FOXN2: variants seen among roughly 807,000 people sequenced by gnomAD.
FOXN2 encodes the protein forkhead box N2, also known as forkhead box protein N2.
A neutral mutation model predicts 41.2 loss-of-function variants in FOXN2; 19 were observed. The ratio of observed to expected loss-of-function variants is 0.46; its 90% CI spans 0.32 to 0.68. The LOEUF is 0.68. Ranked by LOEUF, FOXN2 falls within the 30% of genes least tolerant of loss-of-function variation. The pLI is 0.03. For missense variants in FOXN2, 587 were observed against 509.4 expected (o/e 1.15, Z -1.47); for synonymous variants, 195 against 176.8 (o/e 1.10, Z -0.82).
intron 2 of FOXN2, among the ~76,000 whole-genome samples, chr2:48,338,302 T>C (rs1427268279): frequency 6.6e-6 from 1 of 152,116 alleles, no homozygotes; most frequent in African/African-American, 2.4e-5. Flanking sequence ...AACTGAGAAA[T>C]GGCCCAGATA....
Position 48,325,700 on chromosome 2 carries a change from T to C in FOXN2, c.-156-2861T>C, listed in dbSNP as rs561707521. Among the ~76,000 whole-genome samples, 47 of 152,318 alleles carry C rather than the reference T, an allele frequency of 3.1e-4. 1 individual carries two copies. The highest frequency in any genetic ancestry group is 1.0e-3 in the African/African-American group (42 of 41,578). On this transcript the variant is annotated intron_variant, in intron 1 of 6. Transcript: ENST00000340553. ...AAACAGACAACTAGCTCTGCCCTTA[T>C]GAAGCTTTCAGTTAGTCAGGAAAGA...
chr2:48,358,997 G>T (rs1265358672), intron 3 of FOXN2, 50 bp from the exon 4 acceptor site: 2 of 1,355,990 alleles, frequency 1.5e-6, no homozygotes, highest in South Asian at 1.2e-5. Flanking sequence ...TTTAGACGCT[G>T]ACTGTTTATG....
intron 3 of FOXN2, among the ~76,000 whole-genome samples, chr2:48,347,160 C>T (rs1389679598): frequency 6.6e-6 from 1 of 150,896 alleles, no homozygotes; most frequent in African/African-American, 2.4e-5. Flanking sequence ...TTTTCTTTTC[C>T]ACTTTTCCTG....
Position 48,378,578 on chromosome 2 carries a change from A to G in FOXN2, c.*3135A>G, listed in dbSNP as rs2104561392. 6.6e-6 allele frequency: 1 copy of G among 152,480 alleles called. No individual in the cohort carries two copies. The highest frequency in any genetic ancestry group is 6.6e-5 in the Admixed American group (1 of 15,254). 9.4% of individuals were successfully genotyped at this position (152,480 alleles called of 1,614,324 possible). On this transcript the variant is annotated 3_prime_UTR_variant, in exon 7 of 7. Coordinates refer to ENST00000340553, the MANE Select transcript of FOXN2 (RefSeq NM_002158.4). ...AATACTTCACAAAGCTGTAAAGACC[A>G]TTGTCTTAAATACTACAACAACTTA...
At chr2:48,345,519 A>T (rs537961530) in intron 2 of FOXN2, among the ~76,000 whole-genome samples, 15 of 152,312 alleles carry the variant, frequency 9.8e-5, no homozygotes, top group African/African-American at 3.4e-4. Context: ...AGAGATAGGT[A>T]TATGAGGTGA....
At chr2:48,319,960 A>G (rs1669187858) in intron 1 of FOXN2, among the ~76,000 whole-genome samples, 1 of 151,594 alleles carries the variant, frequency 6.6e-6, no homozygotes, top group Non-Finnish European at 1.5e-5. Flanking sequence ...TGCATTATAC[A>G]GGGTTAGTGT....
chr2:48,371,465 A>G (rs1672890316), intron 5 of FOXN2, among the ~76,000 whole-genome samples: 1 of 151,410 alleles, frequency 6.6e-6, no homozygotes, highest in Admixed American at 6.6e-5. Context: ...CCATTGGTCT[A>G]TGTGTCTTAT....
intron 6 of FOXN2, among the ~76,000 whole-genome samples, chr2:48,374,333 T>C (rs2104543997): frequency 6.6e-6 from 1 of 152,176 alleles, no homozygotes; most frequent in South Asian, 2.1e-4. Flanking sequence ...AAACACAAAA[T>C]GAAATAATAT....
At chr2:48,324,492 A>G (rs1187600802) in intron 1 of FOXN2, among the ~76,000 whole-genome samples, 1 of 152,238 alleles carries the variant, frequency 6.6e-6, no homozygotes, top group African/African-American at 2.4e-5. Context: ...TGAATATCAT[A>G]TTTCATCCTT....
In FOXN2 at chr2:48,362,679, C is replaced by G. The variant is rs1349213245; in HGVS notation, c.675C>G (p.Ile225Met). 4 of 1,613,976 alleles carry G rather than the reference C, an allele frequency of 2.5e-6. No homozygotes were observed. The highest frequency in any genetic ancestry group is 1.3e-5 in the African/African-American group (1 of 75,030). Reference sequence around the variant, plus strand: ...CACCTCACTATTTAAGCTCTGTAATCAAGCAGAACCAGGTGCGAAACCTCA... The same window carrying G: ...CACCTCACTATTTAAGCTCTGTAATGAAGCAGAACCAGGTGCGAAACCTCA... ...SLSPHYLSSVIKQNQVRNLKE... is the reference protein window; with the variant it reads ...SLSPHYLSSVMKQNQVRNLKE... Residue 225 changes from isoleucine (I) to methionine (M), a missense_variant, in exon 5 of 7, where the codon ATC becomes ATG. Transcript: ENST00000340553.
chr2:48,330,897 A>T (rs1008232561), intron 2 of FOXN2, among the ~76,000 whole-genome samples: 2 of 152,170 alleles, frequency 1.3e-5, no homozygotes, highest in African/African-American at 4.8e-5. Flanking sequence ...TGTAGGCTAG[A>T]TGCTGCCATA....
At chr2:48,331,343 CTATAG>C (rs138113863) in intron 2 of FOXN2, among the ~76,000 whole-genome samples, 11,407 of 151,934 alleles carry the variant, frequency 0.075, 573 homozygotes, top group Non-Finnish European at 0.12. Context: ...ACTCTAAGAA[CTATAG>C]TATAGGTAAG....
chr2:48,344,728 T>C (rs890023167), intron 2 of FOXN2, among the ~76,000 whole-genome samples: 1 of 152,166 alleles, frequency 6.6e-6, no homozygotes, highest in Non-Finnish European at 1.5e-5. Context: ...TAAAATTAAC[T>C]AGTTTTCTCT....
At chr2:48,367,268 C>T (rs1558639565) in intron 5 of FOXN2, among the ~76,000 whole-genome samples, 2 of 152,144 alleles carry the variant, frequency 1.3e-5, no homozygotes, top group Non-Finnish European at 2.9e-5. Flanking sequence ...AAAAATATTA[C>T]TGAGCTGTTC....
intron 3 of FOXN2, among the ~76,000 whole-genome samples, chr2:48,350,145 C>A (rs1034186686): frequency 1.3e-5 from 2 of 152,218 alleles, no homozygotes; most frequent in African/African-American, 4.8e-5. Context: ...GCCATTTATC[C>A]ACATGTGGCT....
chr2:48,360,655 A>G (rs1366061462), intron 4 of FOXN2, among the ~76,000 whole-genome samples: 1 of 152,144 alleles, frequency 6.6e-6, no homozygotes, highest in Non-Finnish European at 1.5e-5. Flanking sequence ...AAGTTACCAG[A>G]TTTTATATTC....
chr2:48,350,710 C>T (rs1671392197), intron 3 of FOXN2, among the ~76,000 whole-genome samples: 1 of 152,196 alleles, frequency 6.6e-6, no homozygotes, highest in African/African-American at 2.4e-5. Context: ...TCCTGGCCTG[C>T]CTGCAGTCTT....
At chr2:48,362,544 G>C in intron 4 of FOXN2, 99 bp from the exon 5 acceptor site, 2 of 975,816 alleles carry the variant, frequency 2.0e-6, no homozygotes, top group Non-Finnish European at 1.6e-6. Context: ...ACTCCAGCCT[G>C]GGCGGCCAGC....
At chr2:48,332,876 A>C (rs1192549147) in intron 2 of FOXN2, among the ~76,000 whole-genome samples, 8 of 152,150 alleles carry the variant, frequency 5.3e-5, no homozygotes, top group Admixed American at 3.3e-4. Flanking sequence ...GCTTAGTGAA[A>C]AGCAGGGCTG....
Sources: allele counts gnomAD v4.1 joint callset (sites outside exome capture counted in the v4.1 genomes callset), GRCh38; gene constraint gnomAD v4.1.1; transcripts MANE v1.5; gene names NCBI Gene and HGNC (gene_info 2026-07-23, HGNC 2026-07-21).